Variants in TENM2 observed in about 807,000 individuals in gnomAD.
The protein encoded by TENM2 is teneurin-2.
In TENM2, 52 loss-of-function variants were observed where a neutral mutation model predicts 245.2. The ratio of observed to expected loss-of-function variants is 0.21; its 90% CI spans 0.17 to 0.27. The LOEUF (loss-of-function observed/expected upper bound fraction) is 0.27, where lower values mean the gene tolerates loss of function less well. Ranked by LOEUF, TENM2 falls within the 10% of genes least tolerant of loss-of-function variation. The probability of loss-of-function intolerance (pLI) is 1.00; values close to 1 mark genes in which losing one functional copy is unlikely to be tolerated. For missense variants in TENM2, 3,046 were observed against 3,666.8 expected, an observed-to-expected ratio of 0.83 and a Z score of 4.37; for synonymous variants, 1,363 against 1,438.9, an observed-to-expected ratio of 0.95 and a Z score of 1.19.
At chr5:167,671,322 A>G (rs1190466241) in intron 2 of TENM2, among the ~76,000 whole-genome samples, 2 of 152,204 alleles carry the variant, frequency 1.3e-5, no homozygotes, top group Non-Finnish European at 2.9e-5. Context: ...TTTATTTAGC[A>G]TAGTCATAAA....
At chr5:167,978,474 G>A (rs566037591) in intron 4 of TENM2, among the ~76,000 whole-genome samples, 16 of 152,298 alleles carry the variant, frequency 1.1e-4, no homozygotes, top group African/African-American at 3.4e-4. Flanking sequence ...ATGCTACAAT[G>A]GGGATGAACT....
At chr5:168,205,467 AGAAACAG>A (rs551627944) in intron 19 of TENM2, among the ~76,000 whole-genome samples, 3 of 152,326 alleles carry the variant, frequency 2.0e-5, no homozygotes, top group African/African-American at 7.2e-5. Context: ...TAACAGAGTA[AGAAACAG>A]GAACTGGGCG....
intron 2 of TENM2, among the ~76,000 whole-genome samples, chr5:167,498,141 A>G (rs1768937163): frequency 6.6e-6 from 1 of 152,082 alleles, no homozygotes; most frequent in African/African-American, 2.4e-5. Flanking sequence ...AATGAGCAGC[A>G]TGCTTTTAAT....
intron 3 of TENM2, among the ~76,000 whole-genome samples, chr5:167,890,913 T>C (rs1369543261): frequency 6.6e-6 from 1 of 152,184 alleles, no homozygotes; most frequent in African/African-American, 2.4e-5. Context: ...AAATCCCCAC[T>C]ACAACCATCT....
At chr5:168,103,955 C>T (rs1794031712) in intron 9 of TENM2, among the ~76,000 whole-genome samples, 1 of 152,178 alleles carries the variant, frequency 6.6e-6, no homozygotes, top group African/African-American at 2.4e-5. Context: ...GAACAGGGCA[C>T]CCCATCTCCC....
rs1561883842 is a variant in TENM2 at position 167,350,835 on chromosome 5, A to ATATACATATGGATATATATATGGGATG, written c.227-24341_227-24315dup. 8.1e-5 allele frequency among the ~76,000 whole-genome samples: 10 copies of ATATACATATGGATATATATATGGGATG among 123,586 alleles called. 5 individuals carry two copies. Among genetic ancestry groups the ATATACATATGGATATATATATGGGATG allele is most frequent in the Non-Finnish European group, 1.3e-4 (8 of 59,956 alleles). 81.1% of individuals were successfully genotyped at this position (123,586 alleles called of 152,430 possible). ...ATACATATGGATATATATATGGGAT[A>ATATACATATGGATATATATATGGGATG]TATACATATGGATATATATATGGGA... On this transcript the variant is annotated intron_variant, in intron 1 of 28. Coordinates refer to ENST00000518659, the Ensembl canonical transcript of TENM2.
intron 2 of TENM2, among the ~76,000 whole-genome samples, chr5:167,450,612 G>A (rs1765518128): frequency 1.3e-5 from 2 of 152,106 alleles, no homozygotes; most frequent in African/African-American, 2.4e-5. Flanking sequence ...GTCCATGGAT[G>A]GTTCTAAGTT....
At chr5:167,245,971 A>G in the TENM2 span, among the ~76,000 whole-genome samples, 1 of 152,184 alleles carries the variant, frequency 6.6e-6, no homozygotes, top group Non-Finnish European at 1.5e-5. Flanking sequence ...ACAGAAAATG[A>G]CAGCCTCCAT....
chr5:167,048,991 CTTT>C, the TENM2 span, among the ~76,000 whole-genome samples: 1 of 151,816 alleles, frequency 6.6e-6, no homozygotes, highest in African/African-American at 2.4e-5. Flanking sequence ...GAACAGTGTA[CTTT>C]TTTTTGTTGT....
intron 3 of TENM2, among the ~76,000 whole-genome samples, chr5:167,886,353 G>A (rs527284425): frequency 1.5e-4 from 23 of 152,186 alleles, no homozygotes; most frequent in East Asian, 3.9e-4. Flanking sequence ...ATCATTTACC[G>A]CATGGCCCAG....
At chr5:167,658,838 A>G (rs1755021357) in intron 2 of TENM2, among the ~76,000 whole-genome samples, 1 of 152,198 alleles carries the variant, frequency 6.6e-6, no homozygotes, top group Admixed American at 6.5e-5. Context: ...TAGCAAGAAT[A>G]ATAGCAAGGA....
chr5:167,151,011 G>C, the TENM2 span, among the ~76,000 whole-genome samples: 1 of 152,166 alleles, frequency 6.6e-6, no homozygotes, highest in Non-Finnish European at 1.5e-5. Context: ...TGGTGGTTGA[G>C]TCAGGACTAC....
chr5:167,586,659 T>C (rs1219062559), intron 2 of TENM2, among the ~76,000 whole-genome samples: 1 of 152,184 alleles, frequency 6.6e-6, no homozygotes, highest in Non-Finnish European at 1.5e-5. Context: ...GAAAATATTT[T>C]AGGGAAAGAG....
the TENM2 span, among the ~76,000 whole-genome samples, chr5:167,122,366 G>A: frequency 6.6e-6 from 1 of 152,074 alleles, no homozygotes; most frequent in Non-Finnish European, 1.5e-5. Context: ...CAGTAGCCAA[G>A]TTGCAGGCTG....
rs1465800674 is a variant in TENM2, at chr5:167,516,519, G to A, written c.502+141046G>A. Among the ~76,000 whole-genome samples the A allele has an allele frequency of 3.9e-5, 6 of 152,062 alleles. 1 individual carries two copies. The highest frequency in any genetic ancestry group is 5.9e-5 in the Non-Finnish European group (4 of 68,006). On this transcript the variant is annotated intron_variant, in intron 2 of 28. Transcript: ENST00000518659. ...CTCTTGACTAGTAACTTAATGTGGC[G>A]ATTAAGACACATTCTTTATATATTT...
intron 3 of TENM2, among the ~76,000 whole-genome samples, chr5:167,922,570 G>A (rs2151643950): frequency 6.6e-6 from 1 of 152,282 alleles, no homozygotes; most frequent in Non-Finnish European, 1.5e-5. Flanking sequence ...CTCTCTCTGT[G>A]CTTGCACACA....
chr5:167,717,515 C>T lies in TENM2; in HGVS notation c.503-158471C>T, dbSNP rs149843988. Among the ~76,000 whole-genome samples, 6 of 152,264 alleles carry T rather than the reference C, an allele frequency of 3.9e-5. No homozygotes were observed. The East Asian group carries it at 1.2e-3, about 29-fold the overall frequency. ...TCTGAACACTTTGCCTCCTTGAATG[C>T]TTATTAACTTTTGCTAGGATGCTAT... On this transcript the variant is annotated intron_variant, in intron 2 of 28. Transcript: ENST00000518659.
intron 2 of TENM2, among the ~76,000 whole-genome samples, chr5:167,431,928 CATATATATATACAT>C (rs1348819279): frequency 1.8e-5 from 2 of 112,526 alleles, no homozygotes; most frequent in African/African-American, 6.7e-5. Context: ...TATATATATA[CATATATATATACAT>C]ATATATGTAT....
intron 2 of TENM2, among the ~76,000 whole-genome samples, chr5:167,418,332 T>C (rs1763289062): frequency 6.6e-6 from 1 of 151,658 alleles, no homozygotes; most frequent in African/African-American, 2.4e-5. Flanking sequence ...AAAAAAAATA[T>C]TGCTTTGGAG....
Sources: allele counts gnomAD v4.1 joint callset (sites outside exome capture counted in the v4.1 genomes callset), GRCh38; gene constraint gnomAD v4.1.1; transcripts MANE v1.5; gene names NCBI Gene and HGNC (gene_info 2026-07-23, HGNC 2026-07-21).